The following RNF38 variants were observed in gnomAD, a reference collection of about 807,000 sequenced individuals.
RNF38 encodes ring finger protein 38.
RNF38 carries 15 observed loss-of-function variants against 67.2 expected under a neutral mutation model. The observed-to-expected ratio is 0.22, with a 90% confidence interval of 0.15 to 0.34. The LOEUF (loss-of-function observed/expected upper bound fraction) is 0.34, where lower values mean the gene tolerates loss of function less well. Among genes scored for constraint, RNF38 ranks in the 10% least tolerant of loss-of-function variants. The pLI is 1.00. For synonymous variants in RNF38, 220 were observed against 218.8 expected (o/e 1.01, Z -0.05); for missense variants, 524 against 639.9 (o/e 0.82, Z 1.95).
chr9:36,352,781 G>A lies in RNF38; in HGVS notation c.1139C>T (p.Pro380Leu). ...RSRYRSQQPI[P>L]PPPYHPSLLP... ...TAAGCTGGGATGATAAGGGGGAGGT[G>A]GTATTGGCTGCTGGGATCGGTATCT... Residue 380 changes from proline to leucine, a missense_variant, in exon 8 of 12, where the codon CCA becomes CTA. By Grantham distance (98) the Pro-to-Leu change is moderately conservative. Transcript: ENST00000259605. 2 of 1,613,942 alleles carry A rather than the reference G, an allele frequency of 1.2e-6. No individual in the cohort carries two copies. Among genetic ancestry groups the A allele is most frequent in the East Asian group, 2.2e-5 (1 of 44,878 alleles).
Position 36,426,613 on chromosome 9 carries a change from A to C in RNF38, n.242-1930T>G, listed in dbSNP as rs1838778386. Among the ~76,000 whole-genome samples, 5 of 152,196 alleles carry C rather than the reference A, an allele frequency of 3.3e-5. No individual in the cohort carries two copies. The South Asian group carries it at 1.0e-3, about 31-fold the overall frequency. On this transcript the variant is annotated intron_variant and non_coding_transcript_variant, in intron 1 of 3. Coordinates refer to the RNF38 transcript ENST00000488058. The stretch of plus-strand genomic sequence containing the variant: ...CATCCATTTATAAGTTTTTGTGTGA[A>C]CGTTTATTTTCATTTCTCTTGTTGG...
At chr9:36,451,478 A>C (rs1175356119) in intron 1 of RNF38, among the ~76,000 whole-genome samples, 4 of 149,976 alleles carry the variant, frequency 2.7e-5, no homozygotes, top group African/African-American at 9.9e-5. Context: ...AAGAAGAAAA[A>C]AAAATTGTAG....
chr9:36,337,482 C>T lies in RNF38; in HGVS notation c.*2270G>A, dbSNP rs955176485. 1 of 152,614 alleles carries T rather than the reference C, an allele frequency of 6.6e-6. No homozygotes were observed. Among genetic ancestry groups the T allele is most frequent in the Non-Finnish European group, 1.5e-5 (1 of 68,038 alleles). The allele number at this position is 152,614 out of a possible 1,614,324, so 9.5% of individuals were successfully genotyped here. A position where few individuals can be genotyped will look rare whatever the true frequency, so the allele number is the denominator to read the frequency against. Reference sequence around the variant, plus strand: ...AAGCTGCTACTCCTAGTCATTAGTACAATGTGCTGTGTTAATTAGATACCT... The same window carrying T: ...AAGCTGCTACTCCTAGTCATTAGTATAATGTGCTGTGTTAATTAGATACCT... On this transcript the variant is annotated 3_prime_UTR_variant, in exon 12 of 12. Transcript: ENST00000259605.
intron 1 of RNF38, among the ~76,000 whole-genome samples, chr9:36,395,506 AC>A (rs1837449875): frequency 6.6e-6 from 1 of 152,228 alleles, no homozygotes; most frequent in South Asian, 2.1e-4. Flanking sequence ...AAAGACGAAA[AC>A]AAAACATTAG....
intron 2 of RNF38, among the ~76,000 whole-genome samples, chr9:36,380,482 G>T (rs1411114360): frequency 6.6e-6 from 1 of 150,692 alleles, no homozygotes; most frequent in East Asian, 2.0e-4. Flanking sequence ...TTACAGGCGT[G>T]AGCCACTGCG....
At chr9:36,468,641 G>A (rs1229650493) in intron 1 of RNF38, among the ~76,000 whole-genome samples, 3 of 152,070 alleles carry the variant, frequency 2.0e-5, no homozygotes, top group Admixed American at 6.5e-5. Context: ...GGGAAACCCC[G>A]TCTCTATTAA....
chr9:36,414,180 T>C (rs912036282), intron 2 of RNF38, among the ~76,000 whole-genome samples: 4 of 152,216 alleles, frequency 2.6e-5, no homozygotes, highest in African/African-American at 9.6e-5. Context: ...ACTTGGTTGG[T>C]GAATTCTTAC....
chr9:36,420,760 G>A (rs961185234), intron 2 of RNF38, among the ~76,000 whole-genome samples: 10 of 151,934 alleles, frequency 6.6e-5, no homozygotes, highest in South Asian at 2.1e-4. Context: ...AAATATAAAC[G>A]TTTGCCACCT....
At chr9:36,479,233 T>C (rs982599638) in intron 1 of RNF38, among the ~76,000 whole-genome samples, 1 of 152,194 alleles carries the variant, frequency 6.6e-6, no homozygotes, top group African/African-American at 2.4e-5. Flanking sequence ...TAGGGAATTA[T>C]AATTACAGCA....
chr9:36,451,092 C>A (rs552260008), intron 1 of RNF38, among the ~76,000 whole-genome samples: 1 of 152,176 alleles, frequency 6.6e-6, no homozygotes, highest in Non-Finnish European at 1.5e-5. Flanking sequence ...TGTGTTAATA[C>A]GCACCTTGGG....
chr9:36,387,566 T>C (rs1460648038), intron 2 of RNF38, among the ~76,000 whole-genome samples: 6 of 152,364 alleles, frequency 3.9e-5, no homozygotes, highest in East Asian at 3.9e-4. Context: ...TTATTATTCA[T>C]TGTGGTGGTG....
chr9:36,414,094 A>G (rs2134207654), intron 2 of RNF38, among the ~76,000 whole-genome samples: 1 of 152,228 alleles, frequency 6.6e-6, no homozygotes, highest in Middle Eastern at 3.4e-3. Flanking sequence ...TTTGCATGGA[A>G]TATCTTTTTT....
intron 1 of RNF38, among the ~76,000 whole-genome samples, chr9:36,487,113 G>A (rs535701591): frequency 1.3e-5 from 2 of 152,326 alleles, no homozygotes; most frequent in East Asian, 1.9e-4. Context: ...CTACCCACCG[G>A]GTGGGAAAAC....
At chr9:36,431,818 T>C (rs761077703) in intron 1 of RNF38, among the ~76,000 whole-genome samples, 7 of 152,168 alleles carry the variant, frequency 4.6e-5, no homozygotes, top group Non-Finnish European at 8.8e-5. Flanking sequence ...AACACTCAAA[T>C]TGCATGACTG....
intron 1 of RNF38, among the ~76,000 whole-genome samples, chr9:36,431,814 C>G (rs548604549): frequency 3.3e-5 from 5 of 152,318 alleles, no homozygotes; most frequent in African/African-American, 1.2e-4. Flanking sequence ...TTCCAACACT[C>G]AAATTGCATG....
At chr9:36,451,497 T>TG (rs1839442916) in intron 1 of RNF38, among the ~76,000 whole-genome samples, 3 of 133,202 alleles carry the variant, frequency 2.3e-5, no homozygotes, top group African/African-American at 3.0e-5. Flanking sequence ...AGTAGTTTTT[T>TG]TTTTTTTTTT....
chr9:36,374,524 G>C (rs1394786752), intron 3 of RNF38, among the ~76,000 whole-genome samples: 1 of 152,140 alleles, frequency 6.6e-6, no homozygotes, highest in Non-Finnish European at 1.5e-5. Context: ...CTCCAGGCTG[G>C]AGTGCAGTGG....
intron 4 of RNF38, among the ~76,000 whole-genome samples, chr9:36,367,954 C>T (rs529632090): frequency 6.6e-5 from 10 of 152,276 alleles, no homozygotes; most frequent in East Asian, 5.8e-4. Context: ...CAGGTTCAAG[C>T]GCTTCTCCTG....
rs375427758 is a variant in RNF38, at chr9:36,390,427, C to T, written c.162+40G>A. ...TTCCTAGAAACACTGTAGAATGTGA[C>T]TTTCAGCCCTATGTAGGGAAAGGGT... On this transcript the variant is annotated intron_variant, in intron 2 of 11. Transcript: ENST00000259605. 3.2e-6 allele frequency: 5 copies of T among 1,548,978 alleles called. No individual in the cohort carries two copies. In the African/African-American group the frequency reaches 6.9e-5, roughly 21 times the overall value.
Sources: allele counts gnomAD v4.1 joint callset (sites outside exome capture counted in the v4.1 genomes callset), GRCh38; gene constraint gnomAD v4.1.1; transcripts MANE v1.5; gene names NCBI Gene and HGNC (gene_info 2026-07-23, HGNC 2026-07-21).